Variants in NT5C1A observed in about 807,000 individuals in gnomAD.
NT5C1A encodes cytosolic 5'-nucleotidase 1A.
Under a neutral mutation model 31.0 loss-of-function variants are expected in NT5C1A, and 18 were observed. The observed-to-expected ratio is 0.58, with a 90% confidence interval of 0.40 to 0.86. The LOEUF is 0.86. NT5C1A is among the 40% of genes least tolerant of loss of function. The pLI is 0.00. For missense variants in NT5C1A, 470 were observed against 505.4 expected (o/e 0.93, Z 0.67); for synonymous variants, 185 against 203.6 (o/e 0.91, Z 0.78).
Position 39,659,318 on chromosome 1 carries a change from C to G in NT5C1A, c.910G>C (p.Asp304His). The G allele has an allele frequency of 6.2e-7, 1 of 1,614,050 alleles. No individual in the cohort carries two copies. The highest frequency in any genetic ancestry group is 8.5e-7 in the Non-Finnish European group (1 of 1,180,028). The change falls in exon 6 of 6, where the codon GAT becomes CAT. Residue 304 changes from aspartate to histidine, a missense_variant. Coordinates refer to ENST00000235628, the MANE Select transcript of NT5C1A (RefSeq NM_032526.3). The part of the protein sequence containing the change: ...KTLRSWGLET[D>H]EALFLAGAPK... ...GCTCCAGCAAGGAACAAGGCTTCATCTGTCTCCAGGCCCCAGCTGCGCAGG... is the reference window on the plus strand; with the variant it reads ...GCTCCAGCAAGGAACAAGGCTTCATGTGTCTCCAGGCCCCAGCTGCGCAGG...
intron 1 of NT5C1A, among the ~76,000 whole-genome samples, chr1:39,670,064 A>G (rs1045909083): frequency 6.6e-6 from 1 of 152,206 alleles, no homozygotes; most frequent in African/African-American, 2.4e-5. Context: ...CAGATATAAC[A>G]TATATAATTG....
chr1:39,670,875 C>G (rs559765262), intron 1 of NT5C1A, among the ~76,000 whole-genome samples: 8 of 152,232 alleles, frequency 5.3e-5, no homozygotes, highest in East Asian at 1.9e-4. Flanking sequence ...CTACTCCCCC[C>G]CCAACTCCCC....
rs1447784490 is a variant in NT5C1A at position 39,656,000 on chromosome 1, C to T, written c.*3121G>A. On this transcript the variant is annotated 3_prime_UTR_variant, in exon 6 of 6. Coordinates refer to ENST00000235628, the MANE Select transcript of NT5C1A (RefSeq NM_032526.3). ...TCTGGCACATTCTGATATATCCCCA[C>T]TACTCTGATTGGGCTCTCAGATAGG... Among the ~76,000 whole-genome samples, 1 of 152,170 alleles carries T rather than the reference C, an allele frequency of 6.6e-6. No individual in the cohort carries two copies. Among genetic ancestry groups the T allele is most frequent in the Non-Finnish European group, 1.5e-5 (1 of 68,026 alleles).
chr1:39,660,936 G>T, intron 5 of NT5C1A, 143 bp downstream of exon 5: 1 of 586,114 alleles, frequency 1.7e-6, no homozygotes, highest in East Asian at 2.5e-5. Flanking sequence ...GGGGTCAGTG[G>T]TCAAGTGAGA....
Position 39,666,075 on chromosome 1 carries a change from A to C in NT5C1A, c.297T>G (p.Phe99Leu), listed in dbSNP as rs1646520157. The change falls in exon 2 of 6, where the codon TTT becomes TTG. Residue 99 changes from phenylalanine (F) to leucine (L), a missense_variant. Physicochemically the swap from Phe to Leu is conservative, Grantham distance 22. Transcript: ENST00000235628. The part of the protein sequence containing the change: ...EPFSPGPAFP[F>L]VKALEAVNRR... ...GGTGGAACTGCTCCCTCACCTTCAC[A>C]AAAGGGAAGGCTGGCCCGGGACTGA... is the stretch of plus-strand genomic sequence containing the variant. The C allele has an allele frequency of 6.2e-7, 1 of 1,612,512 alleles. No individual in the cohort carries two copies. Among genetic ancestry groups the C allele is most frequent in the African/African-American group, 1.3e-5 (1 of 74,900 alleles).
At chr1:39,669,536 C>T (rs749185129) in intron 1 of NT5C1A, among the ~76,000 whole-genome samples, 14 of 152,164 alleles carry the variant, frequency 9.2e-5, no homozygotes, top group Non-Finnish European at 2.1e-4. Context: ...CCTAGAGCCC[C>T]CAAAATAGCC....
intron 1 of NT5C1A, among the ~76,000 whole-genome samples, chr1:39,671,589 T>C (rs1646552356): frequency 6.6e-6 from 1 of 152,152 alleles, no homozygotes; most frequent in African/African-American, 2.4e-5. Context: ...CGGACCAGCT[T>C]CGCCAACAAG....
intron 3 of NT5C1A, among the ~76,000 whole-genome samples, chr1:39,663,706 GCC>G (rs1250584595): frequency 3.3e-4 from 2 of 5,986 alleles, no homozygotes; most frequent in Admixed American, 2.0e-3. Context: ...CCGCCTCCTG[GCC>G]ATAGCTGCCA....
Position 39,659,374 on chromosome 1 carries a change from G to A in NT5C1A, c.854C>T (p.Ala285Val), listed in dbSNP as rs1366775889. Residue 285 changes from alanine (A) to valine (V), a missense_variant, in exon 6 of 6, where the codon GCA becomes GTA. By Grantham distance (64) the Ala-to-Val change is moderately conservative (BLOSUM62 0). Transcript: ENST00000235628. Reference sequence around the variant, plus strand: ...GAGAGCCCGGGCCCCGGAACTGGCTGCACTGCGTGCTGTCACCAAGTAGGT... The same window carrying A: ...GAGAGCCCGGGCCCCGGAACTGGCTACACTGCGTGCTGTCACCAAGTAGGT... ...IRTYLVTARS[A>V]ASSGARALKT... The A allele has an allele frequency of 1.4e-5, 23 of 1,613,658 alleles. No homozygotes were observed. The highest frequency in any genetic ancestry group is 1.9e-5 in the Non-Finnish European group (22 of 1,180,020).
intron 3 of NT5C1A, among the ~76,000 whole-genome samples, 159 bp from the exon 4 acceptor site, chr1:39,663,593 C>G (rs138926400): frequency 2.6e-5 from 4 of 152,288 alleles, no homozygotes; most frequent in African/African-American, 9.6e-5. Context: ...CTGAGCCCCT[C>G]CATCCTTCAT....
rs940533422 is a variant in NT5C1A, at chr1:39,654,219, T to C, written c.*4902A>G. On this transcript the variant is annotated 3_prime_UTR_variant, in exon 6 of 6. Transcript: ENST00000235628. Reference sequence around the variant, plus strand: ...TGTGTTTATTGCTCACGTGCCTTCATGCCACAAGAAACTGCCATTCCAGCT... The same window carrying C: ...TGTGTTTATTGCTCACGTGCCTTCACGCCACAAGAAACTGCCATTCCAGCT... Among the ~76,000 whole-genome samples, 2 of 152,030 alleles carry C rather than the reference T, an allele frequency of 1.3e-5. No individual in the cohort carries two copies. The highest frequency in any genetic ancestry group is 4.8e-5 in the African/African-American group (2 of 41,266).
rs984591650 is a variant in NT5C1A, at chr1:39,651,405, T to G, written c.*7716A>C. Among the ~76,000 whole-genome samples the G allele has an allele frequency of 1.3e-5, 2 of 152,140 alleles. No individual in the cohort carries two copies. The highest frequency in any genetic ancestry group is 2.4e-5 in the African/African-American group (1 of 41,432). On this transcript the variant is annotated 3_prime_UTR_variant, in exon 6 of 6. Transcript: ENST00000235628. Reference sequence around the variant, plus strand: ...AAAGAGCCAGACAGGTCTGGATCGATGGGGTGTGCTACTAGTAGGCCAAAG... The same window carrying G: ...AAAGAGCCAGACAGGTCTGGATCGAGGGGGTGTGCTACTAGTAGGCCAAAG...
intron 2 of NT5C1A, 141 bp from the exon 3 acceptor site, chr1:39,665,791 G>A: frequency 2.2e-6 from 2 of 891,204 alleles, no homozygotes; most frequent in Admixed American, 2.4e-5. Flanking sequence ...CCTAATGCAA[G>A]TTGCTTACCA....
Position 39,665,538 on chromosome 1 carries a change from TTGA to T in NT5C1A, c.413_415del (p.Ile138del). ...ATGCTCACCATAGTGGTTGATACTG[TTGA>T]TGAGGCGGACACCCACTTGAGCATG... On this transcript the variant is annotated inframe_deletion, in exon 3 of 6. Transcript: ENST00000235628. The T allele has an allele frequency of 1.2e-6, 2 of 1,613,198 alleles. No individual in the cohort carries two copies. Among genetic ancestry groups the T allele is most frequent in the Non-Finnish European group, 1.7e-6 (2 of 1,179,768 alleles).
Position 39,654,073 on chromosome 1 carries a change from C to T in NT5C1A, c.*5048G>A, listed in dbSNP as rs1646447990. On this transcript the variant is annotated 3_prime_UTR_variant, in exon 6 of 6. Coordinates refer to ENST00000235628, the MANE Select transcript of NT5C1A (RefSeq NM_032526.3). ...GATGGCATAGCGACAGCAATGATGGCTGTAGATGGGGCGTCTTCCATACTG... is the reference window on the plus strand; with the variant it reads ...GATGGCATAGCGACAGCAATGATGGTTGTAGATGGGGCGTCTTCCATACTG... Among the ~76,000 whole-genome samples, 1 of 152,180 alleles carries T rather than the reference C, an allele frequency of 6.6e-6. No individual in the cohort carries two copies. Among genetic ancestry groups the T allele is most frequent in the Non-Finnish European group, 1.5e-5 (1 of 68,024 alleles).
In NT5C1A at chr1:39,671,857, G is replaced by C. The variant is rs574687213; in HGVS notation, c.135+47C>G. The C allele has an allele frequency of 6.2e-6, 10 of 1,608,696 alleles. No individual in the cohort carries two copies. The South Asian group carries it at 1.1e-4, about 18-fold the overall frequency. ...CCAAGAGACTTATGACCCCTCCTCC[G>C]GGGTAACCCTTCCCCCGTCCCCCGC... On this transcript the variant is annotated intron_variant, in intron 1 of 5. Transcript: ENST00000235628.
In NT5C1A at chr1:39,651,832, C is replaced by A. The variant is rs1646434055; in HGVS notation, c.*7289G>T. Among the ~76,000 whole-genome samples, 1 of 151,768 alleles carries A rather than the reference C, an allele frequency of 6.6e-6. No individual in the cohort carries two copies. Among genetic ancestry groups the A allele is most frequent in the South Asian group, 2.1e-4 (1 of 4,810 alleles). On this transcript the variant is annotated 3_prime_UTR_variant, in exon 6 of 6. Coordinates refer to ENST00000235628, the MANE Select transcript of NT5C1A (RefSeq NM_032526.3). ...ATCACCTGAGGTCAGGAGTTCGAGA[C>A]CAGCCTGGCCAATATGGTGAAACCC...
intron 4 of NT5C1A, 139 bp from the exon 5 acceptor site, chr1:39,661,402 T>TA: frequency 4.0e-6 from 2 of 494,066 alleles, no homozygotes; most frequent in African/African-American, 1.9e-5. Flanking sequence ...TTAAAACTTG[T>TA]AAAAACTGGT....
At position 39,663,345 on chromosome 1, in the gene NT5C1A, C is replaced by T. The variant is rs755046790; in HGVS notation, c.523G>A (p.Asp175Asn). ...ATGGCTTCTCGCACTTTTTCCGCATCGGCTGACAAGTAGAGGTTGGTGTGA... is the reference window on the plus strand; with the variant it reads ...ATGGCTTCTCGCACTTTTTCCGCATTGGCTGACAAGTAGAGGTTGGTGTGA... Reference protein sequence around the residue: ...AYHTNLYLSADAEKVREAIDE... With the variant: ...AYHTNLYLSANAEKVREAIDE... The change falls in exon 4 of 6, where the codon GAT becomes AAT. Residue 175 changes from aspartate (D) to asparagine (N), a missense_variant. Physicochemically the swap from Asp to Asn is conservative, Grantham distance 23. Transcript: ENST00000235628. 2.4e-5 allele frequency: 39 copies of T among 1,613,996 alleles called. No individual in the cohort carries two copies. The African/African-American group carries it at 4.1e-4, about 17-fold the overall frequency.
Sources: gnomAD v4.1 joint callset for allele counts (sites outside exome capture counted in the v4.1 genomes callset) on GRCh38, gnomAD v4.1.1 for gene constraint, MANE v1.5 for transcripts, NCBI Gene and HGNC (gene_info 2026-07-23, HGNC 2026-07-21) for gene names.